AP3B1: variants seen among roughly 807,000 people sequenced by gnomAD.
The protein encoded by AP3B1 is adaptor related protein complex 3 subunit beta 1.
AP3B1 carries 61 observed loss-of-function variants against 132.5 expected under a neutral mutation model. That is an observed-to-expected ratio of 0.46 (90% CI 0.37 to 0.57). The LOEUF (loss-of-function observed/expected upper bound fraction) is 0.57. AP3B1 is among the 20% of genes least tolerant of loss of function. The pLI, the probability that AP3B1 is intolerant of heterozygous loss-of-function variation, is 0.00. For synonymous variants in AP3B1, 388 were observed against 438.3 expected (o/e 0.89, Z 1.43); for missense variants, 1,120 against 1,289.4 (o/e 0.87, Z 2.01).
Position 78,175,705 on chromosome 5 carries a change from AC to A in AP3B1, c.1096-9del. ...ATAAGGTTCAAACATCCCCTGGATT[AC>A]AAAAATAAATACAAAAATACATTAT... On this transcript the variant is annotated splice_polypyrimidine_tract_variant and intron_variant, in intron 10 of 26. Transcript: ENST00000255194. 6.2e-7 allele frequency: 1 copy of A among 1,612,852 alleles called. No individual in the cohort carries two copies. Among genetic ancestry groups the A allele is most frequent in the Non-Finnish European group, 8.5e-7 (1 of 1,179,004 alleles).
At chr5:78,071,790 G>A (rs1346911947) in intron 22 of AP3B1, among the ~76,000 whole-genome samples, 6 of 152,246 alleles carry the variant, frequency 3.9e-5, no homozygotes, top group African/African-American at 1.4e-4. Flanking sequence ...TATTTCTAAT[G>A]TAAAAGACAA....
intron 2 of AP3B1, among the ~76,000 whole-genome samples, chr5:78,260,028 G>GT (rs1373570855): frequency 4.0e-5 from 6 of 151,724 alleles, no homozygotes; most frequent in African/African-American, 1.5e-4. Flanking sequence ...AAAATTAAAT[G>GT]TTTTTTAAAA....
At chr5:78,030,178 A>C (rs1394559871) in intron 24 of AP3B1, among the ~76,000 whole-genome samples, 1 of 151,906 alleles carries the variant, frequency 6.6e-6, no homozygotes, top group Admixed American at 6.6e-5. Flanking sequence ...CCAGGCTGGA[A>C]AGCAGCGGCT....
intron 2 of AP3B1, among the ~76,000 whole-genome samples, chr5:78,243,411 C>T (rs1050179100): frequency 1.2e-4 from 19 of 152,160 alleles, no homozygotes; most frequent in Admixed American, 1.2e-3. Flanking sequence ...GAAAAAAACA[C>T]CACAATCAAA....
chr5:78,101,057 C>A, intron 20 of AP3B1, 32 bp from the exon 21 acceptor site: 3 of 1,325,634 alleles, frequency 2.3e-6, no homozygotes, highest in Non-Finnish European at 3.2e-6. Flanking sequence ...ATTTATCACA[C>A]GTTCTGTTTT....
intron 26 of AP3B1, among the ~76,000 whole-genome samples, chr5:78,005,101 T>G (rs1048112601): frequency 1.3e-5 from 2 of 152,222 alleles, no homozygotes; most frequent in African/African-American, 4.8e-5. Context: ...GGATATGAGG[T>G]GGCTCTATTT....
In AP3B1 at chr5:78,236,097, A is replaced by G. The variant is rs138078560; in HGVS notation, c.279+4765T>C. The stretch of plus-strand genomic sequence containing the variant: ...AACGAAAGAAATCCAAAACAAATAG[A>G]CCAATAATTATGTTTATATTGACAT... On this transcript the variant is annotated intron_variant, in intron 3 of 26. Coordinates refer to ENST00000255194, the MANE Select transcript of AP3B1 (RefSeq NM_003664.5). 2.0e-5 allele frequency among the ~76,000 whole-genome samples: 3 copies of G among 152,316 alleles called. No individual in the cohort carries two copies. The East Asian group carries it at 5.8e-4, about 29-fold the overall frequency.
intron 21 of AP3B1, among the ~76,000 whole-genome samples, chr5:78,098,924 A>G: frequency 6.6e-6 from 1 of 152,240 alleles, no homozygotes; most frequent in East Asian, 1.9e-4. Flanking sequence ...AAGAATAACA[A>G]GAATAACAAG....
chr5:78,171,931 G>T (rs1743935369), intron 11 of AP3B1, among the ~76,000 whole-genome samples: 1 of 152,122 alleles, frequency 6.6e-6, no homozygotes, highest in African/African-American at 2.4e-5. Flanking sequence ...CTAGTTTATT[G>T]CGTGTTTTTA....
intron 14 of AP3B1, among the ~76,000 whole-genome samples, chr5:78,153,232 T>C (rs895941935): frequency 5.3e-5 from 8 of 152,218 alleles, no homozygotes; most frequent in African/African-American, 1.9e-4. Flanking sequence ...GTTGAGTGCA[T>C]ATATATTTAA....
At chr5:78,122,490 C>CT (rs2112284688) in intron 17 of AP3B1, among the ~76,000 whole-genome samples, 1 of 152,312 alleles carries the variant, frequency 6.6e-6, no homozygotes, top group South Asian at 2.1e-4. Flanking sequence ...TAAGCAACTT[C>CT]AGCAAAGTCT....
At chr5:78,105,620 A>G (rs562463317) in intron 20 of AP3B1, among the ~76,000 whole-genome samples, 184 of 152,338 alleles carry the variant, frequency 1.2e-3, no homozygotes, top group Non-Finnish European at 2.2e-3. Context: ...TACTAAAAGT[A>G]ATTTTGTTAT....
chr5:78,225,849 T>C (rs1324536308), intron 5 of AP3B1, among the ~76,000 whole-genome samples: 1 of 152,012 alleles, frequency 6.6e-6, no homozygotes, highest in Non-Finnish European at 1.5e-5. Context: ...AAGATAGTAC[T>C]GAAAGAACAA....
Position 78,294,665 on chromosome 5 carries a change from G to A in AP3B1, c.-86C>T, listed in dbSNP as rs1245671773. 1 of 1,599,820 alleles carries A rather than the reference G, an allele frequency of 6.3e-7. No homozygotes were observed. The highest frequency in any genetic ancestry group is 1.3e-5 in the African/African-American group (1 of 74,914). On this transcript the variant is annotated 5_prime_UTR_variant, in exon 1 of 27. Coordinates refer to ENST00000255194, the MANE Select transcript of AP3B1 (RefSeq NM_003664.5). The stretch of plus-strand genomic sequence containing the variant: ...GTCCAGAGGGCACGGAACAAAACTA[G>A]TTCTCGTACGGAGGAGCGCGCGCAG...
chr5:78,190,618 C>G (rs1580464601), intron 7 of AP3B1, among the ~76,000 whole-genome samples: 1 of 152,178 alleles, frequency 6.6e-6, no homozygotes, highest in East Asian at 1.9e-4. Flanking sequence ...ATGACCATGA[C>G]AAATCACTCA....
intron 26 of AP3B1, among the ~76,000 whole-genome samples, chr5:78,008,881 T>A (rs990147005): frequency 1.4e-4 from 21 of 151,888 alleles, no homozygotes; most frequent in Non-Finnish European, 2.6e-4. Context: ...AGAAAACAAC[T>A]AACAAACAAA....
chr5:78,203,274 C>T (rs1561475020), intron 7 of AP3B1, among the ~76,000 whole-genome samples: 1 of 152,108 alleles, frequency 6.6e-6, no homozygotes, highest in Non-Finnish European at 1.5e-5. Context: ...GTTTAATTGA[C>T]TCACGGTTCA....
At chr5:78,215,613 A>G (rs765763370) in intron 7 of AP3B1, among the ~76,000 whole-genome samples, 24 of 152,212 alleles carry the variant, frequency 1.6e-4, no homozygotes, top group Non-Finnish European at 2.9e-4. Flanking sequence ...ATATTTATCT[A>G]TAGAGGCAAG....
At chr5:78,270,447 G>A (rs1748501613) in intron 1 of AP3B1, among the ~76,000 whole-genome samples, 2 of 152,090 alleles carry the variant, frequency 1.3e-5, no homozygotes, top group African/African-American at 4.8e-5. Flanking sequence ...ATAAGGAATA[G>A]CAATTTCCAA....
Sources: gnomAD v4.1 joint callset for allele counts (sites outside exome capture counted in the v4.1 genomes callset) on GRCh38, gnomAD v4.1.1 for gene constraint, MANE v1.5 for transcripts, NCBI Gene and HGNC (gene_info 2026-07-23, HGNC 2026-07-21) for gene names.